The following MAP7 variants were observed in gnomAD, a reference collection of about 807,000 sequenced individuals.
The protein encoded by MAP7 is ensconsin.
In MAP7, 52 loss-of-function variants were observed where a neutral mutation model predicts 94.8. That is an observed-to-expected ratio of 0.55 (90% CI 0.44 to 0.69). The LOEUF (loss-of-function observed/expected upper bound fraction) is 0.69. Among genes scored for constraint, MAP7 ranks in the 30% least tolerant of loss-of-function variants. The pLI is 0.00. For missense variants in MAP7, 940 were observed against 964.6 expected (o/e 0.97, Z 0.34); for synonymous variants, 350 against 357.0 (o/e 0.98, Z 0.22).
At chr6:136,471,611 CT>C (rs1809039120) in intron 1 of MAP7, among the ~76,000 whole-genome samples, 1 of 151,990 alleles carries the variant, frequency 6.6e-6, no homozygotes, top group East Asian at 1.9e-4. Flanking sequence ...GCTACCCATG[CT>C]GTTTATTTAG....
intron 1 of MAP7, chr6:136,526,145 A>G: frequency 7.6e-7 from 1 of 1,313,806 alleles, no homozygotes; most frequent in Non-Finnish European, 9.7e-7. Flanking sequence ...GCCACTTGGC[A>G]ACTGAGGCCC....
At chr6:136,344,702 C>G (rs1233893024) in intron 17 of MAP7, among the ~76,000 whole-genome samples, 1 of 152,180 alleles carries the variant, frequency 6.6e-6, no homozygotes, top group Non-Finnish European at 1.5e-5. Context: ...TTCCCAAAGG[C>G]TTAAGAATCA....
At chr6:136,414,768 A>C (rs1788802022) in intron 2 of MAP7, among the ~76,000 whole-genome samples, 1 of 151,628 alleles carries the variant, frequency 6.6e-6, no homozygotes, top group South Asian at 2.1e-4. Context: ...CAGCCTACCA[A>C]GTAGCTGAGA....
At chr6:136,384,368 C>T (rs1778599313) in intron 5 of MAP7, among the ~76,000 whole-genome samples, 1 of 151,982 alleles carries the variant, frequency 6.6e-6, no homozygotes, top group Non-Finnish European at 1.5e-5. Context: ...AGAAACGTTC[C>T]TTTATTAAAA....
intron 1 of MAP7, among the ~76,000 whole-genome samples, chr6:136,464,805 G>A (rs1206033702): frequency 6.6e-6 from 1 of 152,200 alleles, no homozygotes; most frequent in Non-Finnish European, 1.5e-5. Context: ...TGGTTGCCAG[G>A]CACTGTTCTA....
At chr6:136,346,405 G>GA (rs1213756540) in intron 16 of MAP7, among the ~76,000 whole-genome samples, 2 of 152,056 alleles carry the variant, frequency 1.3e-5, no homozygotes, top group South Asian at 2.1e-4. Flanking sequence ...CTCTACAAAA[G>GA]AAAAAAATTA....
At chr6:136,353,177 ACAGTCTGAT>A (rs1262039520) in intron 16 of MAP7, among the ~76,000 whole-genome samples, 2 of 152,220 alleles carry the variant, frequency 1.3e-5, no homozygotes, top group African/African-American at 4.8e-5. Context: ...AAAATAATGT[ACAGTCTGAT>A]CATCTGTCTG....
At chr6:136,450,680 A>G (rs1562414597) in intron 1 of MAP7, among the ~76,000 whole-genome samples, 1 of 152,038 alleles carries the variant, frequency 6.6e-6, no homozygotes, top group Non-Finnish European at 1.5e-5. Flanking sequence ...GCTACTCGGA[A>G]GGCTGAGGCG....
Position 136,452,716 on chromosome 6 carries a change from C to T in MAP7, c.68-30917G>A, listed in dbSNP as rs186289384. ...TACAGGTGCACACCACCATGCTCAG[C>T]TAATTTTTGTATTTTTAGTAGAGAT... is the stretch of plus-strand genomic sequence containing the variant. On this transcript the variant is annotated intron_variant, in intron 1 of 17. Coordinates refer to ENST00000354570, the MANE Select transcript of MAP7 (RefSeq NM_003980.6). Among the ~76,000 whole-genome samples, 9 of 152,214 alleles carry T rather than the reference C, an allele frequency of 5.9e-5. No individual in the cohort carries two copies. In the East Asian group the frequency reaches 1.7e-3, roughly 29 times the overall value.
At chr6:136,512,046 C>T (rs1562477043) in intron 1 of MAP7, among the ~76,000 whole-genome samples, 1 of 152,154 alleles carries the variant, frequency 6.6e-6, no homozygotes, top group Non-Finnish European at 1.5e-5. Flanking sequence ...GGACAAAGGT[C>T]GTTAATACAA....
At chr6:136,445,758 A>T (rs1229001445) in intron 1 of MAP7, among the ~76,000 whole-genome samples, 1 of 152,230 alleles carries the variant, frequency 6.6e-6, no homozygotes, top group East Asian at 1.9e-4. Context: ...GACATACAGG[A>T]GGCACACTCA....
intron 1 of MAP7, among the ~76,000 whole-genome samples, chr6:136,467,606 T>C (rs956903167): frequency 6.6e-6 from 1 of 152,232 alleles, no homozygotes; most frequent in African/African-American, 2.4e-5. Context: ...GTCAGTGATA[T>C]ATTGCATTGT....
intron 1 of MAP7, among the ~76,000 whole-genome samples, chr6:136,469,415 A>G (rs1001534243): frequency 2.8e-5 from 4 of 144,676 alleles, no homozygotes; most frequent in Admixed American, 1.4e-4. Flanking sequence ...TGAAGGTCTC[A>G]TTGTCACCCA....
intron 16 of MAP7, among the ~76,000 whole-genome samples, chr6:136,354,043 C>T (rs1790038583): frequency 6.7e-6 from 1 of 148,588 alleles, no homozygotes; most frequent in Non-Finnish European, 1.5e-5. Context: ...TGAACAAGGG[C>T]TATAGAAATT....
intron 1 of MAP7, among the ~76,000 whole-genome samples, chr6:136,428,782 C>T (rs951083146): frequency 3.3e-5 from 5 of 152,090 alleles, no homozygotes; most frequent in African/African-American, 4.8e-5. Context: ...GATATCTGGC[C>T]AGGTGCAGAT....
intron 3 of MAP7, among the ~76,000 whole-genome samples, chr6:136,399,826 G>A (rs1342213035): frequency 6.6e-6 from 1 of 152,092 alleles, no homozygotes; most frequent in Non-Finnish European, 1.5e-5. Flanking sequence ...CTTAACCTAT[G>A]CTCATCAATT....
At chr6:136,526,299 A>G in intron 1 of MAP7, 1 of 983,254 alleles carries the variant, frequency 1.0e-6, no homozygotes, top group Non-Finnish European at 1.2e-6. Context: ...ACACACACAC[A>G]CTCCTTCCAG....
intron 1 of MAP7, among the ~76,000 whole-genome samples, chr6:136,548,564 T>C (rs1283328140): frequency 2.6e-5 from 4 of 152,200 alleles, no homozygotes; most frequent in Non-Finnish European, 4.4e-5. Flanking sequence ...ATGAAGGAGA[T>C]AACAGCCAAT....
intron 1 of MAP7, among the ~76,000 whole-genome samples, chr6:136,431,179 A>T (rs529869573): frequency 6.6e-6 from 1 of 152,304 alleles, no homozygotes; most frequent in Non-Finnish European, 1.5e-5. Context: ...AGCTATTCCT[A>T]CCACCATCAC....
Sources: allele counts gnomAD v4.1 joint callset (sites outside exome capture counted in the v4.1 genomes callset), GRCh38; gene constraint gnomAD v4.1.1; transcripts MANE v1.5; gene names NCBI Gene and HGNC (gene_info 2026-07-23, HGNC 2026-07-21).